Variants in TNFAIP8 observed in about 807,000 individuals in gnomAD.
TNFAIP8 encodes tumor necrosis factor alpha-induced protein 8.
Under a neutral mutation model 13.3 loss-of-function variants are expected in TNFAIP8, and 7 were observed. That is an observed-to-expected ratio of 0.52 (90% CI 0.30 to 0.99). The LOEUF is 0.99. Ranked by LOEUF, TNFAIP8 falls within the 50% of genes least tolerant of loss-of-function variation. The pLI, the probability that TNFAIP8 is intolerant of heterozygous loss-of-function variation, is 0.07. For missense variants in TNFAIP8, 258 were observed against 236.9 expected (o/e 1.09, Z -0.58); for synonymous variants, 94 against 87.6 (o/e 1.07, Z -0.41).
intron 1 of TNFAIP8, among the ~76,000 whole-genome samples, chr5:119,358,032 A>G (rs1054537541): frequency 1.3e-5 from 2 of 151,572 alleles, no homozygotes; most frequent in Non-Finnish European, 2.9e-5. Context: ...CGATGAAGCG[A>G]GCTATGTTGT....
chr5:119,391,660 G>A (rs932642337), intron 1 of TNFAIP8, among the ~76,000 whole-genome samples: 6 of 151,698 alleles, frequency 4.0e-5, no homozygotes, highest in African/African-American at 1.5e-4. Flanking sequence ...TCTGGAGACT[G>A]AGTTGTGAGA....
chr5:119,288,783 A>G (rs1748893983), intron 1 of TNFAIP8, among the ~76,000 whole-genome samples: 1 of 152,254 alleles, frequency 6.6e-6, no homozygotes, highest in African/African-American at 2.4e-5. Flanking sequence ...ACATATGGAA[A>G]GAATTAGACT....
At chr5:119,380,273 G>T (rs928225831) in intron 1 of TNFAIP8, among the ~76,000 whole-genome samples, 2 of 152,224 alleles carry the variant, frequency 1.3e-5, no homozygotes, top group Non-Finnish European at 2.9e-5. Flanking sequence ...TCTTTGTTAT[G>T]TGGCCAGGAG....
intron 1 of TNFAIP8, among the ~76,000 whole-genome samples, chr5:119,329,902 G>A (rs1159663618): frequency 6.6e-6 from 1 of 151,894 alleles, no homozygotes; most frequent in Non-Finnish European, 1.5e-5. Context: ...CTGACCATCC[G>A]CCGTCTCTGT....
intron 1 of TNFAIP8, among the ~76,000 whole-genome samples, chr5:119,312,709 G>A (rs1047378062): frequency 2.4e-5 from 3 of 127,506 alleles, no homozygotes; most frequent in Admixed American, 9.8e-5. Flanking sequence ...AGACTACCCT[G>A]AGCAATATGG....
intron 1 of TNFAIP8, among the ~76,000 whole-genome samples, chr5:119,370,545 T>G (rs1580431477): frequency 6.6e-6 from 1 of 152,314 alleles, no homozygotes; most frequent in African/African-American, 2.4e-5. Flanking sequence ...AGGCAAGCTA[T>G]TAGTCAAAAT....
Position 119,338,165 on chromosome 5 carries a change from G to GACACACACACACACACAC in TNFAIP8, c.2-54622_2-54605dup, listed in dbSNP as rs367789572. Among the ~76,000 whole-genome samples the GACACACACACACACACAC allele has an allele frequency of 3.0e-4, 37 of 125,246 alleles. 1 individual carries two copies. The highest frequency in any genetic ancestry group is 6.0e-4 in the South Asian group (2 of 3,334). 82.2% of individuals were successfully genotyped at this position (125,246 alleles called of 152,430 possible). On this transcript the variant is annotated intron_variant, in intron 1 of 1. Transcript: ENST00000274456. Reference sequence around the variant, plus strand: ...ATTCCAGATTGGAATCTGGAACTTTGACACACACACACACACACACACACA... The same window carrying GACACACACACACACACAC: ...ATTCCAGATTGGAATCTGGAACTTTGACACACACACACACACACACACACACACACACACACACACACA...
chr5:119,325,544 C>G (rs1191531848), intron 1 of TNFAIP8, among the ~76,000 whole-genome samples: 1 of 152,194 alleles, frequency 6.6e-6, no homozygotes, highest in Non-Finnish European at 1.5e-5. Flanking sequence ...GCCTCCCGGG[C>G]TCACGCCATT....
intron 1 of TNFAIP8, among the ~76,000 whole-genome samples, chr5:119,321,067 A>G (rs1750039461): frequency 6.6e-6 from 1 of 152,142 alleles, no homozygotes; most frequent in East Asian, 1.9e-4. Flanking sequence ...ACACAAAAAA[A>G]CTAGGCGGGC....
intron 1 of TNFAIP8, among the ~76,000 whole-genome samples, chr5:119,283,729 G>T (rs1415603836): frequency 6.6e-6 from 1 of 152,188 alleles, no homozygotes; most frequent in African/African-American, 2.4e-5. Context: ...GGCTGGGCCT[G>T]TGGGAGGCAG....
chr5:119,373,992 A>T (rs973878559), intron 1 of TNFAIP8, among the ~76,000 whole-genome samples: 2 of 152,106 alleles, frequency 1.3e-5, no homozygotes, highest in Non-Finnish European at 2.9e-5. Flanking sequence ...ATTATTTCTT[A>T]TGGTTTTAAA....
upstream of TNFAIP8, chr5:119,355,921 C>G: frequency 7.4e-7 from 1 of 1,360,266 alleles, no homozygotes; most frequent in Admixed American, 2.4e-5. Context: ...AACTTTCCCC[C>G]TGAAAATCCC....
At chr5:119,338,929 C>A (rs1316066512) in intron 1 of TNFAIP8, among the ~76,000 whole-genome samples, 1 of 152,100 alleles carries the variant, frequency 6.6e-6, no homozygotes, top group African/African-American at 2.4e-5. Context: ...TACCTGTAGT[C>A]CCAGCTACTC....
intron 1 of TNFAIP8, among the ~76,000 whole-genome samples, chr5:119,376,162 T>G (rs1435271783): frequency 6.6e-6 from 1 of 152,038 alleles, no homozygotes; most frequent in African/African-American, 2.4e-5. Context: ...TTGCCCAGAC[T>G]GGAGTGCAGT....
chr5:119,299,882 C>G (rs1410697690), intron 1 of TNFAIP8, among the ~76,000 whole-genome samples: 2 of 152,336 alleles, frequency 1.3e-5, no homozygotes, highest in Admixed American at 6.5e-5. Context: ...TAGCAATCAG[C>G]AAGACTCCGT....
intron 1 of TNFAIP8, among the ~76,000 whole-genome samples, chr5:119,320,183 G>A (rs565628230): frequency 6.8e-4 from 103 of 152,234 alleles, no homozygotes; most frequent in Non-Finnish European, 1.3e-3. Context: ...GTGATTTTTA[G>A]GACATATTAC....
intron 1 of TNFAIP8, among the ~76,000 whole-genome samples, chr5:119,347,651 C>A (rs6883657): frequency 4.6e-5 from 7 of 151,980 alleles, no homozygotes; most frequent in African/African-American, 1.7e-4. Flanking sequence ...GTAACCTGAC[C>A]TATTCAAGAG....
In TNFAIP8 at chr5:119,278,370, AGAGAGAGTGTGTGTGTGT is replaced by A. The variant is rs1424844995; in HGVS notation, c.1+9465_1+9482del. Among the ~76,000 whole-genome samples, 95 of 134,748 alleles carry A rather than the reference AGAGAGAGTGTGTGTGTGT, an allele frequency of 7.1e-4. No homozygotes were observed. In the Middle Eastern group the frequency reaches 0.011, roughly 15 times the overall value. 88.4% of individuals were successfully genotyped at this position (134,748 alleles called of 152,430 possible). A position where few individuals can be genotyped will look rare whatever the true frequency, so the allele number is the denominator to read the frequency against. ...GGAAGGGGGAGAGAGAGAGAGAGAG[AGAGAGAGTGTGTGTGTGT>A]GTGTGTGTGTGTGTGTGTGTGTGTG... On this transcript the variant is annotated intron_variant, in intron 1 of 1. Coordinates refer to the TNFAIP8 transcript ENST00000274456.
intron 1 of TNFAIP8, chr5:119,391,435 A>G (rs984396656): frequency 5.7e-6 from 4 of 702,130 alleles, no homozygotes; most frequent in Non-Finnish European, 1.0e-5. Context: ...GTAGACACCC[A>G]AAGAACTGCA....
Sources: gnomAD v4.1 joint callset for allele counts (sites outside exome capture counted in the v4.1 genomes callset) on GRCh38, gnomAD v4.1.1 for gene constraint, MANE v1.5 for transcripts, NCBI Gene and HGNC (gene_info 2026-07-23, HGNC 2026-07-21) for gene names.